The following RBMS1 variants were observed in gnomAD, a reference collection of about 807,000 sequenced individuals.
RBMS1 encodes RNA binding motif single stranded interacting protein 1, also known as RNA-binding motif, single-stranded-interacting protein 1.
RBMS1 carries 17 observed loss-of-function variants against 62.3 expected under a neutral mutation model. The ratio of observed to expected loss-of-function variants is 0.27; its 90% CI spans 0.19 to 0.41. The LOEUF (loss-of-function observed/expected upper bound fraction) is 0.41, where lower values mean the gene tolerates loss of function less well. Among genes scored for constraint, RBMS1 ranks in the 10% least tolerant of loss-of-function variants. The pLI, the probability that RBMS1 is intolerant of heterozygous loss-of-function variation, is 1.00. For synonymous variants in RBMS1, 172 were observed against 170.0 expected, an observed-to-expected ratio of 1.01 and a Z score of -0.09; for missense variants, 334 against 504.5, an observed-to-expected ratio of 0.66 and a Z score of 3.24.
At chr2:160,325,220 G>A (rs1018532161) in intron 2 of RBMS1, among the ~76,000 whole-genome samples, 6 of 152,070 alleles carry the variant, frequency 3.9e-5, no homozygotes, top group African/African-American at 1.4e-4. Flanking sequence ...AAGGAGATGA[G>A]GGGTGGACTC....
chr2:160,421,185 G>A (rs1696409584), intron 1 of RBMS1, among the ~76,000 whole-genome samples: 1 of 151,308 alleles, frequency 6.6e-6, no homozygotes, highest in East Asian at 1.9e-4. Flanking sequence ...TAGGGTACAT[G>A]TGTACAACGT....
chr2:160,324,882 G>GTGTGTATATATATATATA (rs1206910746), intron 2 of RBMS1, among the ~76,000 whole-genome samples: 1 of 100,016 alleles, frequency 1.0e-5, no homozygotes, highest in African/African-American at 4.2e-5. Flanking sequence ...GTGTGTGTGT[G>GTGTGTATATATATATATA]TATATATATA....
chr2:160,378,617 T>TTA (rs761070241), intron 1 of RBMS1, among the ~76,000 whole-genome samples: 2 of 124,118 alleles, frequency 1.6e-5, no homozygotes, highest in Non-Finnish European at 1.7e-5. Flanking sequence ...ACTCTATCTA[T>TTA]AAAAAAAAAA....
At chr2:160,357,521 G>A (rs192811594) in intron 2 of RBMS1, among the ~76,000 whole-genome samples, 103 of 152,170 alleles carry the variant, frequency 6.8e-4, no homozygotes, top group Non-Finnish European at 1.2e-3. Flanking sequence ...TCAAATGCAT[G>A]TATGAAGTAG....
At chr2:160,289,913 T>C (rs1353519813) in intron 6 of RBMS1, among the ~76,000 whole-genome samples, 2 of 151,068 alleles carry the variant, frequency 1.3e-5, no homozygotes, top group Non-Finnish European at 2.9e-5. Context: ...AAGAAATTTT[T>C]AGGTATTTTA....
chr2:160,493,266 A>G (rs931193078), intron 1 of RBMS1, 23 bp downstream of exon 1: 1 of 1,608,450 alleles, frequency 6.2e-7, no homozygotes, highest in African/African-American at 1.3e-5. Flanking sequence ...TCCGGCCGTC[A>G]CCTCTCCCCG....
intron 1 of RBMS1, among the ~76,000 whole-genome samples, chr2:160,466,065 A>G (rs183427699): frequency 1.3e-5 from 2 of 152,264 alleles, no homozygotes; most frequent in East Asian, 3.9e-4. Context: ...TAAGTGTTTT[A>G]TTGTACTTTT....
intron 2 of RBMS1, among the ~76,000 whole-genome samples, chr2:160,323,167 TA>T (rs1482078594): frequency 8.2e-6 from 1 of 122,280 alleles, no homozygotes; most frequent in South Asian, 2.9e-4. Context: ...ATCTGTAGCT[TA>T]ATTTTTTTTT....
At chr2:160,384,549 T>C (rs1431915047) in intron 1 of RBMS1, among the ~76,000 whole-genome samples, 1 of 152,180 alleles carries the variant, frequency 6.6e-6, no homozygotes, top group African/African-American at 2.4e-5. Flanking sequence ...CAATTAGGAA[T>C]GAAAGGATGG....
intron 6 of RBMS1, among the ~76,000 whole-genome samples, chr2:160,295,040 A>G (rs1688865684): frequency 1.3e-5 from 2 of 152,042 alleles, no homozygotes; most frequent in Non-Finnish European, 2.9e-5. Flanking sequence ...AAAAAGAAAA[A>G]AGAAGTCTAG....
intron 2 of RBMS1, among the ~76,000 whole-genome samples, chr2:160,352,543 A>T (rs1692576384): frequency 6.6e-6 from 1 of 152,316 alleles, no homozygotes; most frequent in East Asian, 1.9e-4. Flanking sequence ...TGATGACCAC[A>T]TCTACATTAA....
intron 4 of RBMS1, among the ~76,000 whole-genome samples, chr2:160,308,045 A>G (rs576035744): frequency 6.6e-6 from 1 of 152,322 alleles, no homozygotes; most frequent in Admixed American, 6.5e-5. Flanking sequence ...TTAGTTCATT[A>G]GAGGAGAGTG....
At chr2:160,324,907 T>TACACACAC (rs1183675474) in intron 2 of RBMS1, among the ~76,000 whole-genome samples, 12 of 106,808 alleles carry the variant, frequency 1.1e-4, no homozygotes, top group South Asian at 6.5e-4. Flanking sequence ...TATATATATA[T>TACACACAC]ACACACACAC....
At chr2:160,315,910 T>C (rs970523161) in intron 3 of RBMS1, among the ~76,000 whole-genome samples, 6 of 152,228 alleles carry the variant, frequency 3.9e-5, no homozygotes, top group African/African-American at 1.4e-4. Context: ...CTTAATTCTC[T>C]TGAAAATACA....
intron 1 of RBMS1, among the ~76,000 whole-genome samples, chr2:160,429,226 T>G (rs942985004): frequency 7.2e-5 from 11 of 152,232 alleles, no homozygotes; most frequent in African/African-American, 2.7e-4. Flanking sequence ...GGAAGTCTCC[T>G]TTCTTCCTTT....
intron 1 of RBMS1, chr2:160,432,348 CA>C (rs1218195780): frequency 6.6e-6 from 1 of 152,084 alleles, no homozygotes; most frequent in Non-Finnish European, 1.5e-5. Context: ...CCTCTAAGAA[CA>C]GGGAAGATTT....
At chr2:160,327,126 C>T (rs1454954741) in intron 2 of RBMS1, among the ~76,000 whole-genome samples, 2 of 152,192 alleles carry the variant, frequency 1.3e-5, no homozygotes, top group African/African-American at 2.4e-5. Context: ...ACAGTTATCA[C>T]ATTTTTTCAA....
At chr2:160,366,504 C>T (rs1343625264) in intron 2 of RBMS1, among the ~76,000 whole-genome samples, 3 of 152,224 alleles carry the variant, frequency 2.0e-5, no homozygotes, top group Non-Finnish European at 4.4e-5. Context: ...ACACAATGAT[C>T]TTTGCACTAT....
At chr2:160,332,577 C>CCCCT (rs1014976258) in intron 2 of RBMS1, among the ~76,000 whole-genome samples, 13 of 152,310 alleles carry the variant, frequency 8.5e-5, no homozygotes, top group African/African-American at 3.1e-4. Context: ...CAGAACACAA[C>CCCCT]CCCTCCACTG....
Sources: allele counts gnomAD v4.1 joint callset (sites outside exome capture counted in the v4.1 genomes callset), GRCh38; gene constraint gnomAD v4.1.1; transcripts MANE v1.5; gene names NCBI Gene and HGNC (gene_info 2026-07-23, HGNC 2026-07-21).